The following MAP3K12 variants were observed in gnomAD, a reference collection of about 807,000 sequenced individuals.
The protein encoded by MAP3K12 is MAPK-upstream kinase.
In MAP3K12, 14 loss-of-function variants were observed where a neutral mutation model predicts 87.5. That is an observed-to-expected ratio of 0.16 (90% CI 0.11 to 0.25). The LOEUF (loss-of-function observed/expected upper bound fraction) is 0.25. Among genes scored for constraint, MAP3K12 ranks in the 10% least tolerant of loss-of-function variants. MAP3K12 has a pLI of 1.00. For synonymous variants in MAP3K12, 469 were observed against 452.5 expected (o/e 1.04, Z -0.46); for missense variants, 802 against 1,140.4 (o/e 0.70, Z 4.27).
At position 53,486,380 on chromosome 12, in the gene MAP3K12, G is replaced by A; in HGVS notation, c.629+59C>T. The stretch of plus-strand genomic sequence containing the variant: ...AGGATGGGGTAGGTCCCACTGCCCA[G>A]GAGGGTACCAGGCCTTAGCATAGTA... On this transcript the variant is annotated intron_variant, in intron 3 of 13. Transcript: ENST00000547488. The surrounding 1 kb of genome is among the most constrained non-coding windows in gnomAD (Gnocchi z 4.9). The A allele has an allele frequency of 6.3e-7, 1 of 1,592,596 alleles. No individual in the cohort carries two copies. Among genetic ancestry groups the A allele is most frequent in the Non-Finnish European group, 8.6e-7 (1 of 1,166,944 alleles).
intron 1 of MAP3K12, among the ~76,000 whole-genome samples, chr12:53,498,247 T>G (rs539350259): frequency 6.6e-6 from 1 of 152,138 alleles, no homozygotes; most frequent in Non-Finnish European, 1.5e-5. Flanking sequence ...GGCACTTGAG[T>G]CCTATCCTTC....
Position 53,482,644 on chromosome 12 carries a change from C to T in MAP3K12, c.2159G>A (p.Gly720Asp), listed in dbSNP as rs1257820001. The T allele has an allele frequency of 6.2e-7, 1 of 1,613,928 alleles. No homozygotes were observed. The highest frequency in any genetic ancestry group is 8.5e-7 in the Non-Finnish European group (1 of 1,180,026). ...GGACCCAGCCCGGCTTCCTCCCCGG[C>T]CTGAGGTCCCTTCCCTTCCAGTTCC... is the stretch of plus-strand genomic sequence containing the variant. ...LLGTGREGTS[G>D]RGGSRAGSQH... The change falls in exon 11 of 14, where the codon GGC becomes GAC. Residue 720 changes from glycine (G) to aspartate (D), a missense_variant. By Grantham distance (94) the Gly-to-Asp change is moderately conservative. Around this residue, in one of 5 missense-constraint regions of MAP3K12, gnomAD observed 490 missense variants for 496.6 expected, o/e 0.99. Coordinates refer to ENST00000547488, the MANE Select transcript of MAP3K12 (RefSeq NM_001193511.2).
chr12:53,487,571 G>A (rs1943265466), intron 1 of MAP3K12, 143 bp from the exon 2 acceptor site: 3 of 776,488 alleles, frequency 3.9e-6, no homozygotes, highest in African/African-American at 1.7e-5. Context: ...GTTTCCCATG[G>A]CCCTCCAAAT....
In MAP3K12 at chr12:53,482,226, G is replaced by C. The variant is rs371400197; in HGVS notation, c.2310-15C>G. ...TCTGAGGCCACCTACATGTTGAAGA[G>C]GGGGATTACAGCTTGGTTCTGCCCC... On this transcript the variant is annotated splice_polypyrimidine_tract_variant and intron_variant, in intron 12 of 13. Coordinates refer to ENST00000547488, the MANE Select transcript of MAP3K12 (RefSeq NM_001193511.2). 5.0e-6 allele frequency: 8 copies of C among 1,614,030 alleles called. No individual in the cohort carries two copies. The highest frequency in any genetic ancestry group is 6.8e-6 in the Non-Finnish European group (8 of 1,180,006).
intron 1 of MAP3K12, among the ~76,000 whole-genome samples, chr12:53,490,234 G>T (rs1943362593): frequency 6.6e-6 from 1 of 151,998 alleles, no homozygotes. Context: ...AATCTGGGAG[G>T]AGGAGGTTGC....
In MAP3K12 at chr12:53,482,385, G is replaced by C; in HGVS notation, c.2239-16C>G. Reference sequence around the variant, plus strand: ...TGCCACGTTTCTGCAGGAGAGATGGGGTGGGGGGGGTCTGATTAGAAGTGG... The same window carrying C: ...TGCCACGTTTCTGCAGGAGAGATGGCGTGGGGGGGGTCTGATTAGAAGTGG... On this transcript the variant is annotated splice_polypyrimidine_tract_variant and intron_variant, in intron 11 of 13. Transcript: ENST00000547488. 1 of 1,613,320 alleles carries C rather than the reference G, an allele frequency of 6.2e-7. No homozygotes were observed. Among genetic ancestry groups the C allele is most frequent in the Non-Finnish European group, 8.5e-7 (1 of 1,179,612 alleles).
Position 53,487,354 on chromosome 12 carries a change from G to C in MAP3K12, c.38C>G (p.Ser13Cys). 1 of 1,613,800 alleles carries C rather than the reference G, an allele frequency of 6.2e-7. No homozygotes were observed. Among genetic ancestry groups the C allele is most frequent in the Non-Finnish European group, 8.5e-7 (1 of 1,179,794 alleles). Residue 13 changes from serine (S) to cysteine (C), a missense_variant, in exon 2 of 14, where the codon TCC becomes TGC. Ser to Cys is a moderately radical substitution (Grantham distance 112, BLOSUM62 -1). Around this residue, in one of 5 missense-constraint regions of MAP3K12, gnomAD observed 135 missense variants for 151.6 expected, o/e 0.89. Transcript: ENST00000547488. ...CLHETRTPSP[S>C]FGGFVSTLSE... ...TAGGGTAGACACAAAGCCCCCAAAGGAAGGAGAGGGTGTTCGGGTCTCATG... is the reference window on the plus strand; with the variant it reads ...TAGGGTAGACACAAAGCCCCCAAAGCAAGGAGAGGGTGTTCGGGTCTCATG...
chr12:53,488,271 G>T (rs1943293165), intron 1 of MAP3K12, among the ~76,000 whole-genome samples: 1 of 152,198 alleles, frequency 6.6e-6, no homozygotes, highest in African/African-American at 2.4e-5. Context: ...ACAAGGTCTT[G>T]TCTTCTCTTT....
At chr12:53,501,424 C>T, upstream of MAP3K12, 1 of 1,567,752 alleles carries the variant, frequency 6.4e-7, no homozygotes, top group Non-Finnish European at 8.6e-7. Context: ...TGAAGAGGAG[C>T]AAGGCTCCGG....
At position 53,481,111 on chromosome 12, in the gene MAP3K12, A is replaced by G. The variant is rs1943019352; in HGVS notation, c.*71T>C. The G allele has an allele frequency of 3.6e-6, 2 of 556,396 alleles. No individual in the cohort carries two copies. The highest frequency in any genetic ancestry group is 4.9e-6 in the Non-Finnish European group (2 of 407,446). The allele number at this position is 556,396 out of a possible 1,614,324, so 34.5% of individuals were successfully genotyped here. On this transcript the variant is annotated 3_prime_UTR_variant, in exon 14 of 14. Transcript: ENST00000547488. ...TCTTTCTGTTGATTATGTGGCGCATATATATATATATATGTATATATATAT... is the reference window on the plus strand; with the variant it reads ...TCTTTCTGTTGATTATGTGGCGCATGTATATATATATATGTATATATATAT...
intron 1 of MAP3K12, among the ~76,000 whole-genome samples, chr12:53,493,262 G>C (rs1298127733): frequency 6.6e-6 from 1 of 152,086 alleles, no homozygotes; most frequent in Non-Finnish European, 1.5e-5. Flanking sequence ...GGCCGGCCCA[G>C]GTGGCTGGTT....
upstream of MAP3K12, chr12:53,500,545 AG>A (rs1943660835): frequency 6.6e-6 from 1 of 152,502 alleles, no homozygotes; most frequent in Non-Finnish European, 1.5e-5. Flanking sequence ...AGGGAGGTGA[AG>A]GACGACCTAG....
rs565422943 is a variant in MAP3K12 at position 53,482,387 on chromosome 12, TG to T, written c.2239-19del. 2.0e-4 allele frequency: 323 copies of T among 1,595,208 alleles called. 2 individuals are homozygous for T. In the African/African-American group the frequency reaches 3.0e-3, roughly 15 times the overall value. On this transcript the variant is annotated intron_variant, in intron 11 of 13. Transcript: ENST00000547488. Reference sequence around the variant, plus strand: ...CCACGTTTCTGCAGGAGAGATGGGGTGGGGGGGGTCTGATTAGAAGTGGAAA... The same window carrying T: ...CCACGTTTCTGCAGGAGAGATGGGGTGGGGGGGTCTGATTAGAAGTGGAAA...
At chr12:53,485,258 G>C in intron 5 of MAP3K12, 44 bp from the exon 6 acceptor site, 1 of 1,601,334 alleles carries the variant, frequency 6.2e-7, no homozygotes. Context: ...CCTAGAAGTT[G>C]CCCACAATCC....
chr12:53,492,436 CCGCACACTCTCTCTGCGCGCG>C (rs1943439126), intron 1 of MAP3K12, among the ~76,000 whole-genome samples: 1 of 152,044 alleles, frequency 6.6e-6, no homozygotes, highest in Non-Finnish European at 1.5e-5. Flanking sequence ...GCCTTAAGCC[CCGCACACTCTCTCTGCGCGCG>C]CGCGCGCGCG....
chr12:53,481,261 T>A lies in MAP3K12; in HGVS notation c.2600A>T (p.Asp867Val). 6.4e-7 allele frequency: 1 copy of A among 1,562,466 alleles called. No homozygotes were observed. The highest frequency in any genetic ancestry group is 8.7e-7 in the Non-Finnish European group (1 of 1,154,928). ...CAATTCAGTGCTGTCACAGTCTGAG[T>A]CCTCAGAATTGGGAGGGCCCTGTGA... ...LRERGPPNSE[D>V]SDCDSTELDN... The change falls in exon 14 of 14, where the codon GAC becomes GTC. Residue 867 changes from aspartate (D) to valine (V), a missense_variant. Physicochemically the swap from Asp to Val is radical, Grantham distance 152 (BLOSUM62 -3). Transcript: ENST00000547488.
At chr12:53,485,244 A>G (rs781531233) in intron 5 of MAP3K12, 30 bp from the exon 6 acceptor site, 1 of 1,601,000 alleles carries the variant, frequency 6.2e-7, no homozygotes, top group Non-Finnish European at 8.5e-7. Flanking sequence ...ACTTGTGCTC[A>G]AGCCCTAGAA....
intron 6 of MAP3K12, 124 bp from the exon 7 acceptor site, chr12:53,484,489 G>T (rs1592710615): frequency 1.5e-6 from 1 of 673,618 alleles, no homozygotes; most frequent in Non-Finnish European, 2.6e-6. Flanking sequence ...TGTGACAAAA[G>T]AACTTATGGT....
At chr12:53,481,683 C>T in intron 13 of MAP3K12, 2 of 457,042 alleles carry the variant, frequency 4.4e-6, no homozygotes, top group Non-Finnish European at 7.9e-6. Context: ...ATTTCAGTTG[C>T]TCAGGCCATT....
Sources: gnomAD v4.1 joint callset for allele counts (sites outside exome capture counted in the v4.1 genomes callset) on GRCh38, gnomAD v4.1.1 for gene constraint, gnomAD v4.1.1 regional missense constraint, Gnocchi (gnomAD v3.1) non-coding constraint, MANE v1.5 for transcripts, NCBI Gene and HGNC (gene_info 2026-07-23, HGNC 2026-07-21) for gene names.